GREB1: variants seen among roughly 807,000 people sequenced by gnomAD.
The protein encoded by GREB1 is growth regulating estrogen receptor binding 1, also known as protein GREB1.
GREB1 carries 106 observed loss-of-function variants against 200.7 expected under a neutral mutation model. The observed-to-expected ratio is 0.53, with a 90% confidence interval of 0.45 to 0.62. The LOEUF (loss-of-function observed/expected upper bound fraction) is 0.62. Ranked by LOEUF, GREB1 falls within the 20% of genes least tolerant of loss-of-function variation. The probability of loss-of-function intolerance (pLI) is 0.00; values close to 1 mark genes in which losing one functional copy is unlikely to be tolerated. For synonymous variants in GREB1, 1,132 were observed against 1,092.4 expected (o/e 1.04, Z -0.72); for missense variants, 2,243 against 2,556.8 (o/e 0.88, Z 2.65).
upstream of GREB1, among the ~76,000 whole-genome samples, chr2:11,531,201 C>T (rs1233168385): frequency 6.6e-6 from 1 of 152,112 alleles, no homozygotes; most frequent in Non-Finnish European, 1.5e-5. Flanking sequence ...TCCCAGTTTA[C>T]TGTGGGAGTG....
At chr2:11,502,703 A>G (rs1673081566) in intron 1 of GREB1, among the ~76,000 whole-genome samples, 1 of 152,238 alleles carries the variant, frequency 6.6e-6, no homozygotes, top group East Asian at 1.9e-4. Flanking sequence ...ATATACAAAT[A>G]TGATGAAAAT....
intron 1 of GREB1, among the ~76,000 whole-genome samples, chr2:11,538,549 C>T (rs1674405392): frequency 6.6e-6 from 1 of 152,104 alleles, no homozygotes; most frequent in African/African-American, 2.4e-5. Flanking sequence ...ATCAGGAGTC[C>T]TGGATTCGTA....
intron 4 of GREB1, among the ~76,000 whole-genome samples, chr2:11,570,671 T>C (rs1678177768): frequency 6.6e-6 from 1 of 152,240 alleles, no homozygotes; most frequent in Non-Finnish European, 1.5e-5. Flanking sequence ...TTTTTAAGGA[T>C]ATTTAGAGTG....
intron 1 of GREB1, among the ~76,000 whole-genome samples, chr2:11,537,386 T>C (rs986116975): frequency 3.3e-5 from 5 of 152,124 alleles, no homozygotes; most frequent in African/African-American, 1.2e-4. Flanking sequence ...CCAGGTACCA[T>C]GCTAAGCACC....
intron 4 of GREB1, among the ~76,000 whole-genome samples, chr2:11,570,419 A>G (rs1260036709): frequency 1.3e-5 from 2 of 150,282 alleles, no homozygotes; most frequent in East Asian, 3.9e-4. Context: ...AAAAAAAAAG[A>G]TAACGGCTTT....
At position 11,614,730 on chromosome 2, in the gene GREB1, A is replaced by ATT. The variant is rs1412156393; in HGVS notation, c.3123-356_3123-355dup. 3.3e-5 allele frequency among the ~76,000 whole-genome samples: 5 copies of ATT among 151,980 alleles called. 1 individual carries two copies. Among genetic ancestry groups the ATT allele is most frequent in the South Asian group, 2.1e-4 (1 of 4,806 alleles). On this transcript the variant is annotated intron_variant, in intron 19 of 32. Coordinates refer to ENST00000381486, the MANE Select transcript of GREB1 (RefSeq NM_014668.4). ...AGGCGCCCGCCACCACGCCTGGCTC[A>ATT]TTTTTTGTATTTTTAGTAGAGACGG...
intron 1 of GREB1, among the ~76,000 whole-genome samples, chr2:11,545,212 G>A (rs541500893): frequency 2.0e-4 from 30 of 152,242 alleles, no homozygotes; most frequent in African/African-American, 7.0e-4. Context: ...CTCGCTCACT[G>A]CAACCTTCGC....
rs1167015406 is a variant in GREB1, at chr2:11,642,769, TA to T, written c.*2319del. 6.6e-6 allele frequency: 1 copy of T among 152,232 alleles called. No homozygotes were observed. Among genetic ancestry groups the T allele is most frequent in the Non-Finnish European group, 1.5e-5 (1 of 68,032 alleles). The allele number at this position is 152,232 out of a possible 1,614,324, so 9.4% of individuals were successfully genotyped here. ...TTCTTGTCTGTTCCAGTCTTATAAA[TA>T]AAACTTATAATGCATGTATTGTTTT... On this transcript the variant is annotated 3_prime_UTR_variant, in exon 33 of 33. Coordinates refer to ENST00000381486, the MANE Select transcript of GREB1 (RefSeq NM_014668.4).
At chr2:11,623,938 A>G (rs1045270956) in intron 23 of GREB1, among the ~76,000 whole-genome samples, 2 of 151,952 alleles carry the variant, frequency 1.3e-5, no homozygotes, top group Non-Finnish European at 2.9e-5. Flanking sequence ...AAGTAGAAAA[A>G]TTAAAATATT....
chr2:11,500,373 G>T (rs1673001420), intron 1 of GREB1, among the ~76,000 whole-genome samples: 1 of 152,076 alleles, frequency 6.6e-6, no homozygotes, highest in Non-Finnish European at 1.5e-5. Flanking sequence ...TGTTGGCCAG[G>T]CTATTGAACT....
At chr2:11,491,319 A>C (rs181379951) in intron 1 of GREB1, among the ~76,000 whole-genome samples, 1 of 152,206 alleles carries the variant, frequency 6.6e-6, no homozygotes, top group African/African-American at 2.4e-5. Context: ...AGTGTGTTCA[A>C]GTTTTGTTTT....
At chr2:11,502,488 C>T (rs1673076211) in intron 1 of GREB1, among the ~76,000 whole-genome samples, 1 of 151,604 alleles carries the variant, frequency 6.6e-6, no homozygotes, top group South Asian at 2.1e-4. Flanking sequence ...TCCCAAAGTG[C>T]TGGGATTCCA....
At chr2:11,612,739 G>T in intron 19 of GREB1, 129 bp downstream of exon 19, 2 of 609,222 alleles carry the variant, frequency 3.3e-6, no homozygotes, top group Non-Finnish European at 3.0e-6. Context: ...AGGCCCCGTG[G>T]GTGGGGCCTT....
chr2:11,590,350 G>A (rs745516546), intron 10 of GREB1, among the ~76,000 whole-genome samples: 3 of 152,038 alleles, frequency 2.0e-5, no homozygotes, highest in East Asian at 3.9e-4. Flanking sequence ...GAGCCCTGCC[G>A]CGGCTTCCCA....
chr2:11,568,864 T>C (rs1233707664), intron 4 of GREB1, among the ~76,000 whole-genome samples: 1 of 152,262 alleles, frequency 6.6e-6, no homozygotes, highest in African/African-American at 2.4e-5. Context: ...CATTGCTTTC[T>C]TCTTTTAATA....
rs373821982 is a variant in GREB1 at position 11,625,225 on chromosome 2, A to G, written c.4219A>G (p.Lys1407Glu). The G allele has an allele frequency of 1.2e-6, 2 of 1,613,974 alleles. No homozygotes were observed. Among genetic ancestry groups the G allele is most frequent in the Non-Finnish European group, 1.7e-6 (2 of 1,179,928 alleles). The change falls in exon 24 of 33, where the codon AAG becomes GAG. Residue 1407 changes from lysine to glutamate, a missense_variant. Around this residue, in one of 3 missense-constraint regions of GREB1, gnomAD observed 587 missense variants for 553.1 expected, o/e 1.06. Transcript: ENST00000381486. ...CTGGCCAGACCTGGAGCTGTTCAAG[A>G]AGTTGCCCTTTGACTACATCATTCA... ...DPWPDLELFK[K>E]LPFDYIIHDP...
In GREB1 at chr2:11,562,593, G is replaced by T. The variant is rs1677182506; in HGVS notation, c.277+11G>T. On this transcript the variant is annotated intron_variant, in intron 3 of 32. Coordinates refer to ENST00000381486, the MANE Select transcript of GREB1 (RefSeq NM_014668.4). ...GCTGTACCACAGACGGTGAGCCTCT[G>T]CCAGCTCCTGGCCAGGCAGTGCCTG... The T allele has an allele frequency of 6.4e-7, 1 of 1,567,112 alleles. No homozygotes were observed.
intron 1 of GREB1, among the ~76,000 whole-genome samples, chr2:11,499,816 T>TACAACTTTGCTGTAG (rs1553340430): frequency 1.3e-5 from 2 of 152,226 alleles, no homozygotes; most frequent in Admixed American, 6.5e-5. Context: ...ATAACTTTGC[T>TACAACTTTGCTGTAG]GTAGGTCTGC....
At position 11,620,676 on chromosome 2, in the gene GREB1, G is replaced by A. The variant is rs578186541; in HGVS notation, c.4045-229G>A. ...AAAATGCGGCTGGTTAAAATCTAGA[G>A]ATGCGTGTGCGACGATATTTAAGCA... On this transcript the variant is annotated intron_variant, in intron 22 of 32. Transcript: ENST00000381486. Among the ~76,000 whole-genome samples the A allele has an allele frequency of 4.6e-5, 7 of 152,310 alleles. No homozygotes were observed. The South Asian group carries it at 1.5e-3, about 32-fold the overall frequency.
Sources: gnomAD v4.1 joint callset for allele counts (sites outside exome capture counted in the v4.1 genomes callset) on GRCh38, gnomAD v4.1.1 for gene constraint, gnomAD v4.1.1 regional missense constraint, MANE v1.5 for transcripts, NCBI Gene and HGNC (gene_info 2026-07-23, HGNC 2026-07-21) for gene names.